Variants in PCDHGA4 observed in about 807,000 individuals in gnomAD.
The protein encoded by PCDHGA4 is protocadherin gamma subfamily A, 4.
A neutral mutation model predicts 54.6 loss-of-function variants in PCDHGA4; 38 were observed. The ratio of observed to expected loss-of-function variants is 0.70; its 90% CI spans 0.54 to 0.91. The LOEUF (loss-of-function observed/expected upper bound fraction) is 0.91, where lower values mean the gene tolerates loss of function less well. PCDHGA4 is among the 40% of genes least tolerant of loss of function. The probability of loss-of-function intolerance (pLI) is 0.00; values close to 1 mark genes in which losing one functional copy is unlikely to be tolerated. For synonymous variants in PCDHGA4, 511 were observed against 512.9 expected (o/e 1.00, Z 0.05); for missense variants, 1,298 against 1,220.9 (o/e 1.06, Z -0.94).
chr5:141,457,111 G>A (rs922281700), intron 1 of PCDHGA4, among the ~76,000 whole-genome samples: 4 of 152,120 alleles, frequency 2.6e-5, no homozygotes, highest in South Asian at 2.1e-4. Flanking sequence ...AGCAAAATAC[G>A]ACAGCAATGG....
chr5:141,388,511 C>G, intron 1 of PCDHGA4: 1 of 1,613,868 alleles, frequency 6.2e-7, no homozygotes, highest in Non-Finnish European at 8.5e-7. Context: ...AATCCTACCA[C>G]TTGACTTTGA....
intron 1 of PCDHGA4, among the ~76,000 whole-genome samples, chr5:141,481,647 A>G (rs749515062): frequency 1.6e-4 from 25 of 151,712 alleles, no homozygotes; most frequent in Non-Finnish European, 2.8e-4. Flanking sequence ...GTGAAACTTC[A>G]TCTCTACTAA....
intron 1 of PCDHGA4, among the ~76,000 whole-genome samples, chr5:141,433,378 T>C (rs1246585250): frequency 6.6e-5 from 10 of 151,072 alleles, no homozygotes. Context: ...TATCTATCTA[T>C]CTATCTATCT....
intron 2 of PCDHGA4, among the ~76,000 whole-genome samples, chr5:141,502,832 G>T (rs1266910323): frequency 6.6e-6 from 1 of 150,516 alleles, no homozygotes; most frequent in Non-Finnish European, 1.5e-5. Context: ...GGGGAAGCCT[G>T]GACTGGCTGA....
rs1245731818 is a variant in PCDHGA4, at chr5:141,476,700, A to C, written c.2515-18107A>C. 1 of 1,614,096 alleles carries C rather than the reference A, an allele frequency of 6.2e-7. No homozygotes were observed. Among genetic ancestry groups the C allele is most frequent in the Non-Finnish European group, 8.5e-7 (1 of 1,180,016 alleles). On this transcript the variant is annotated intron_variant, in intron 1 of 3. Coordinates refer to ENST00000571252, the MANE Select transcript of PCDHGA4 (RefSeq NM_018917.4). This position sits in a 1 kb window ranked among gnomAD's most constrained non-coding sequence, Gnocchi z 7.6. Reference sequence around the variant, plus strand: ...CGGGAGGACAGCACCAAGTACGCGGAGCTGGTGTTGGAGCGCGCCCTGGAC... The same window carrying C: ...CGGGAGGACAGCACCAAGTACGCGGCGCTGGTGTTGGAGCGCGCCCTGGAC...
rs1562144438 is a variant in PCDHGA4, at chr5:141,491,135, G to T, written c.2515-3672G>T. The T allele has an allele frequency of 6.2e-7, 1 of 1,613,986 alleles. No individual in the cohort carries two copies. Among genetic ancestry groups the T allele is most frequent in the Non-Finnish European group, 8.5e-7 (1 of 1,180,000 alleles). On this transcript the variant is annotated intron_variant, in intron 1 of 3. Transcript: ENST00000571252. This position sits in a 1 kb window ranked among gnomAD's most constrained non-coding sequence, Gnocchi z 6.9. ...CACACTGGTGAGGTGCGCACAGCCC[G>T]GGCCTTACTGGAGGATGACTCTGAC...
In PCDHGA4 at chr5:141,366,622, G is replaced by GC. The variant is rs757320555; in HGVS notation, c.2514+9001_2514+9002insC. The GC allele has an allele frequency of 1.3e-5, 21 of 1,614,240 alleles. No individual in the cohort carries two copies. The East Asian group carries it at 4.5e-4, about 34-fold the overall frequency. On this transcript the variant is annotated intron_variant, in intron 1 of 3. Coordinates refer to ENST00000571252, the MANE Select transcript of PCDHGA4 (RefSeq NM_018917.4). The stretch of plus-strand genomic sequence containing the variant: ...AGGTCTCCCTCACCGCGGACTCGAG[G>GC]AAGAGTCACCTGATCTTTCCCCAGC...
chr5:141,416,308 T>C (rs1472911605), intron 1 of PCDHGA4: 1 of 152,266 alleles, frequency 6.6e-6, no homozygotes, highest in East Asian at 1.9e-4. Context: ...ATGTGGAAGA[T>C]ATAGCATTTT....
chr5:141,356,299 G>C lies in PCDHGA4; in HGVS notation c.1192G>C (p.Ala398Pro), dbSNP rs1226901970. ...ATCTTCTTCCCCGGGTACAGTAATT[G>C]CACTTTTCAACGTGCATGACAGTGA... is the stretch of plus-strand genomic sequence containing the variant. ...QESSSPGTVI[A>P]LFNVHDSDSG... Residue 398 changes from alanine to proline, a missense_variant, in exon 1 of 4, where the codon GCA becomes CCA. Transcript: ENST00000571252. 5.8e-6 allele frequency: 9 copies of C among 1,554,702 alleles called. No individual in the cohort carries two copies. The highest frequency in any genetic ancestry group is 7.0e-6 in the Non-Finnish European group (8 of 1,148,588).
rs772841329 is a variant in PCDHGA4 at position 141,360,603 on chromosome 5, A to C, written c.2514+2982A>C. ...CAGGTACAACATTTCCACTTGACCC[A>C]GCCCTGGATTCAGATGTTGGTCCTA... On this transcript the variant is annotated intron_variant, in intron 1 of 3. Coordinates refer to ENST00000571252, the MANE Select transcript of PCDHGA4 (RefSeq NM_018917.4). The C allele has an allele frequency of 5.6e-6, 9 of 1,614,056 alleles. No homozygotes were observed. The East Asian group carries it at 2.0e-4, about 36-fold the overall frequency.
intron 2 of PCDHGA4, among the ~76,000 whole-genome samples, chr5:141,498,828 G>C (rs2099786098): frequency 6.6e-6 from 1 of 152,092 alleles, no homozygotes; most frequent in Non-Finnish European, 1.5e-5. Flanking sequence ...AGCTACTCAG[G>C]AGGCTGAGGC....
chr5:141,404,124 C>A, intron 1 of PCDHGA4: 1 of 1,613,272 alleles, frequency 6.2e-7, no homozygotes, highest in Non-Finnish European at 8.5e-7. Context: ...GAGAATCTAT[C>A]TTTTACATTA....
chr5:141,381,826 C>CTTTTTTTTTTTTTTTTTTT (rs770630741), intron 1 of PCDHGA4, among the ~76,000 whole-genome samples: 6 of 74,282 alleles, frequency 8.1e-5, no homozygotes, highest in Non-Finnish European at 9.4e-5. Context: ...CTTTCTTCTT[C>CTTTTTTTTTTTTTTTTTTT]TTTTTTTTTT....
Position 141,491,676 on chromosome 5 carries a change from T to C in PCDHGA4, c.2515-3131T>C. On this transcript the variant is annotated intron_variant, in intron 1 of 3. Coordinates refer to ENST00000571252, the MANE Select transcript of PCDHGA4 (RefSeq NM_018917.4). The surrounding 1 kb of genome is among the most constrained non-coding windows in gnomAD (Gnocchi z 6.9). ...AGCCTGACGCCATCCGGTCCCGCTC[T>C]AATACGCTGCGGGAGCGGAGCCAGG... 3.1e-6 allele frequency: 5 copies of C among 1,613,546 alleles called. No individual in the cohort carries two copies. Among genetic ancestry groups the C allele is most frequent in the Non-Finnish European group, 4.2e-6 (5 of 1,179,848 alleles).
At chr5:141,451,624 G>A (rs1016417101) in intron 1 of PCDHGA4, among the ~76,000 whole-genome samples, 3 of 152,150 alleles carry the variant, frequency 2.0e-5, no homozygotes, top group African/African-American at 7.2e-5. Context: ...GCTCAAACCT[G>A]TAATTCCAGC....
At chr5:141,407,898 A>G in intron 1 of PCDHGA4, 1 of 407,470 alleles carries the variant, frequency 2.5e-6, no homozygotes, top group Non-Finnish European at 4.3e-6. Context: ...CGAATTCAAA[A>G]TGAAAAACCG....
At chr5:141,419,239 C>A in intron 1 of PCDHGA4, 3 of 1,614,008 alleles carry the variant, frequency 1.9e-6, no homozygotes, top group Non-Finnish European at 2.5e-6. Flanking sequence ...ACCTGGTCCA[C>A]GTGCCAGAAA....
At chr5:141,413,468 A>C in intron 1 of PCDHGA4, 1 of 1,614,072 alleles carries the variant, frequency 6.2e-7, no homozygotes, top group South Asian at 1.1e-5. Context: ...GACCGGGAGG[A>C]GCTCTGCGCT....
intron 1 of PCDHGA4, chr5:141,364,623 A>C: frequency 1.2e-6 from 2 of 1,614,178 alleles, no homozygotes; most frequent in Non-Finnish European, 1.7e-6. Flanking sequence ...CTCTGCGCTC[A>C]GAGCCCACTG....
Sources: gnomAD v4.1 joint callset for allele counts (sites outside exome capture counted in the v4.1 genomes callset) on GRCh38, gnomAD v4.1.1 for gene constraint, Gnocchi (gnomAD v3.1) non-coding constraint, MANE v1.5 for transcripts, NCBI Gene and HGNC (gene_info 2026-07-23, HGNC 2026-07-21) for gene names.